Variants in NOS1 observed in about 807,000 individuals in gnomAD.
The protein encoded by NOS1 is nitric oxide synthase 1, also known as NOS type I.
NOS1 carries 51 observed loss-of-function variants against 164.5 expected under a neutral mutation model. The observed-to-expected ratio is 0.31, with a 90% CI of 0.25 to 0.39. NOS1 has a LOEUF of 0.39. NOS1 is among the 10% of genes least tolerant of loss of function. The pLI is 1.00. For synonymous variants in NOS1, 719 were observed against 745.8 expected (o/e 0.96, Z 0.59); for missense variants, 1,362 against 1,885.6 (o/e 0.72, Z 5.14).
intron 23 of NOS1, 120 bp downstream of exon 23, chr12:117,227,311 G>A: frequency 5.5e-6 from 5 of 911,664 alleles, no homozygotes; most frequent in Non-Finnish European, 8.5e-6. Context: ...TTCTGGTCTT[G>A]GGGATGAGTT....
chr12:117,286,550 A>G (rs886129984), intron 5 of NOS1, among the ~76,000 whole-genome samples: 8 of 152,142 alleles, frequency 5.3e-5, no homozygotes, highest in South Asian at 4.1e-4. Flanking sequence ...CACTCCTGTC[A>G]GTTGTCACCT....
At position 117,272,649 on chromosome 12, in the gene NOS1, G is replaced by T; in HGVS notation, c.1665-90C>A. 1 of 1,238,160 alleles carries T rather than the reference G, an allele frequency of 8.1e-7. No homozygotes were observed. Among genetic ancestry groups the T allele is most frequent in the African/African-American group, 1.5e-5 (1 of 66,748 alleles). 76.7% of individuals were successfully genotyped at this position (1,238,160 alleles called of 1,614,324 possible). On this transcript the variant is annotated intron_variant, in intron 9 of 28. Transcript: ENST00000317775. This position sits in a 1 kb window ranked among gnomAD's most constrained non-coding sequence, Gnocchi z 4.3. ...CTAGAGATGCTGAAATGCCAAGGAT[G>T]GACTGGGACTGACAAGGTCAGAATA... is the stretch of plus-strand genomic sequence containing the variant.
intron 3 of NOS1, among the ~76,000 whole-genome samples, chr12:117,299,635 CA>C (rs35293946): frequency 1.2e-3 from 108 of 89,228 alleles, no homozygotes; most frequent in Middle Eastern, 6.7e-3. Flanking sequence ...ACTTTGTCTC[CA>C]AAAAAAAAAA....
intron 24 of NOS1, 135 bp downstream of exon 24, chr12:117,226,548 C>T (rs553914787): frequency 2.4e-4 from 170 of 701,750 alleles, no homozygotes; most frequent in African/African-American, 2.3e-3. Context: ...CTAAGAGAGA[C>T]GCAGGACATT....
chr12:117,228,336 A>G (rs796218803), intron 22 of NOS1, among the ~76,000 whole-genome samples: 35 of 152,250 alleles, frequency 2.3e-4, no homozygotes, highest in African/African-American at 7.9e-4. Flanking sequence ...TGTCCTCAGA[A>G]TCTGTGTTCC....
chr12:117,268,887 G>A (rs773692235), intron 10 of NOS1, among the ~76,000 whole-genome samples: 62 of 151,810 alleles, frequency 4.1e-4, no homozygotes, highest in Non-Finnish European at 6.3e-4. Flanking sequence ...GTGAGCCACC[G>A]CGCCCAGCCT....
chr12:117,338,779 C>T (rs993806008), intron 1 of NOS1, among the ~76,000 whole-genome samples: 1 of 152,030 alleles, frequency 6.6e-6, no homozygotes, highest in South Asian at 2.1e-4. Flanking sequence ...CTGGAGGAAA[C>T]GGATATCAAT....
chr12:117,236,012 C>T (rs1292696884), intron 20 of NOS1, among the ~76,000 whole-genome samples: 1 of 152,188 alleles, frequency 6.6e-6, no homozygotes, highest in Non-Finnish European at 1.5e-5. Context: ...CACTGCATTC[C>T]AGCCTGGGCA....
intron 1 of NOS1, among the ~76,000 whole-genome samples, chr12:117,351,717 A>G (rs1346822794): frequency 1.3e-5 from 2 of 152,388 alleles, no homozygotes; most frequent in African/African-American, 2.4e-5. Flanking sequence ...TCAATAATGC[A>G]GTGAAGTAGA....
chr12:117,340,445 CT>C (rs1469264026), intron 1 of NOS1, among the ~76,000 whole-genome samples: 1 of 152,192 alleles, frequency 6.6e-6, no homozygotes, highest in Non-Finnish European at 1.5e-5. Flanking sequence ...GTTTCTGCAT[CT>C]ATTAAATAGG....
At chr12:117,353,802 C>T (rs555703932) in intron 1 of NOS1, among the ~76,000 whole-genome samples, 92 of 152,048 alleles carry the variant, frequency 6.1e-4, no homozygotes, top group African/African-American at 2.0e-3. Context: ...CTCCTCTAAA[C>T]GAAAACTAAA....
chr12:117,276,989 T>C (rs567560624), intron 9 of NOS1, among the ~76,000 whole-genome samples: 59 of 152,318 alleles, frequency 3.9e-4, no homozygotes, highest in Middle Eastern at 3.4e-3. Context: ...TCCCTTCTTT[T>C]GGGTATATAC....
intron 2 of NOS1, among the ~76,000 whole-genome samples, chr12:117,322,830 C>CTTCCCTCT: frequency 6.8e-6 from 1 of 148,074 alleles, no homozygotes; most frequent in African/African-American, 2.5e-5. Flanking sequence ...TCCCTCCTTC[C>CTTCCCTCT]CTCCTTCCTT....
chr12:117,216,569 C>T (rs990573067), intron 28 of NOS1, among the ~76,000 whole-genome samples: 1 of 151,884 alleles, frequency 6.6e-6, no homozygotes, highest in Non-Finnish European at 1.5e-5. Flanking sequence ...TCTCGATCTC[C>T]CTGGGATCAG....
At chr12:117,248,353 C>A (rs1448833643) in intron 17 of NOS1, among the ~76,000 whole-genome samples, 3 of 151,720 alleles carry the variant, frequency 2.0e-5, no homozygotes, top group Admixed American at 6.6e-5. Flanking sequence ...CCTCTCCCCC[C>A]ACCCCACAAC....
intron 1 of NOS1, among the ~76,000 whole-genome samples, chr12:117,340,650 C>G (rs1876055674): frequency 6.6e-6 from 1 of 152,178 alleles, no homozygotes; most frequent in Non-Finnish European, 1.5e-5. Flanking sequence ...CTGCCTCAGC[C>G]TCCTGAGTAG....
chr12:117,353,156 C>T (rs1244700386), intron 1 of NOS1, among the ~76,000 whole-genome samples: 1 of 152,096 alleles, frequency 6.6e-6, no homozygotes, highest in East Asian at 1.9e-4. Context: ...ATATACCTAT[C>T]ATCTGTCTAT....
At chr12:117,271,578 G>A (rs1053281930) in intron 10 of NOS1, among the ~76,000 whole-genome samples, 3 of 152,060 alleles carry the variant, frequency 2.0e-5, no homozygotes, top group Non-Finnish European at 4.4e-5. Flanking sequence ...CCAGCCAACC[G>A]GTGGATTTTT....
intron 1 of NOS1, among the ~76,000 whole-genome samples, chr12:117,351,190 G>T (rs34054618): frequency 0.056 from 8,503 of 152,272 alleles, 283 homozygotes; most frequent in East Asian, 0.11. Context: ...TGTGGAGACA[G>T]GAGATGAGGG....
Sources: allele counts gnomAD v4.1 joint callset (sites outside exome capture counted in the v4.1 genomes callset), GRCh38; gene constraint gnomAD v4.1.1; non-coding constraint Gnocchi (gnomAD v3.1); transcripts MANE v1.5; gene names NCBI Gene and HGNC (gene_info 2026-07-23, HGNC 2026-07-21).